Variants in NFE2L3 observed in about 807,000 individuals in gnomAD.
NFE2L3 encodes nuclear factor erythroid 2-related factor 3.
NFE2L3 carries 18 observed loss-of-function variants against 23.5 expected under a neutral mutation model. The ratio of observed to expected loss-of-function variants is 0.77; its 90% CI spans 0.53 to 1.13. NFE2L3 has a LOEUF of 1.13. Ranked by LOEUF, NFE2L3 falls within the 50% of genes most tolerant of loss-of-function variation. The pLI is 0.00. For synonymous variants in NFE2L3, 424 were observed against 354.5 expected, an observed-to-expected ratio of 1.20 and a Z score of -2.20; for missense variants, 1,152 against 877.2, an observed-to-expected ratio of 1.31 and a Z score of -3.96.
Position 26,152,403 on chromosome 7 carries a change from T to G in NFE2L3, c.-96T>G, listed in dbSNP as rs1459878988. On this transcript the variant is annotated 5_prime_UTR_variant, in exon 1 of 4. Transcript: ENST00000056233. The surrounding 1 kb of genome is among the most constrained non-coding windows in gnomAD (Gnocchi z 4.4). ...TTCGCTTATCTGGGTTCCAGGCAGG[T>G]GCGGGCGGCGCGCGGGGTCCGCACG... The G allele has an allele frequency of 3.4e-6, 3 of 884,318 alleles. No individual in the cohort carries two copies. The highest frequency in any genetic ancestry group is 4.4e-6 in the Non-Finnish European group (3 of 689,256). The allele number at this position is 884,318 out of a possible 1,614,324, so 54.8% of individuals were successfully genotyped here.
intron 1 of NFE2L3, 73 bp downstream of exon 1, chr7:26,153,141 C>T (rs1280784311): frequency 2.0e-5 from 28 of 1,408,182 alleles, no homozygotes; most frequent in Non-Finnish European, 2.8e-6. Flanking sequence ...TGTGTCGGAT[C>T]TGAGCAGGGG....
chr7:26,183,998 C>T (rs1782407279), intron 3 of NFE2L3: 1 of 519,948 alleles, frequency 1.9e-6, no homozygotes, highest in Non-Finnish European at 3.4e-6. Context: ...TCATGGAAAA[C>T]AGCGTGGAGA....
intron 1 of NFE2L3, among the ~76,000 whole-genome samples, chr7:26,168,820 A>G (rs903235364): frequency 9.2e-5 from 14 of 152,162 alleles, no homozygotes; most frequent in Non-Finnish European, 1.9e-4. Context: ...AGTGGTTTAC[A>G]TTCCCACCAG....
chr7:26,175,491 G>A (rs564879358), intron 1 of NFE2L3, among the ~76,000 whole-genome samples: 1 of 151,972 alleles, frequency 6.6e-6, no homozygotes, highest in Admixed American at 6.6e-5. Flanking sequence ...TATAATAATA[G>A]TTTCCGCCGG....
chr7:26,159,241 A>C (rs946892760), intron 1 of NFE2L3, among the ~76,000 whole-genome samples: 1 of 152,078 alleles, frequency 6.6e-6, no homozygotes, highest in Non-Finnish European at 1.5e-5. Flanking sequence ...TTTGCCCAAC[A>C]ACCCTATGAT....
At position 26,185,862 on chromosome 7, in the gene NFE2L3, C is replaced by T; in HGVS notation, c.*79C>T. ...TTATTTGGATCAGAAACCATTGAAACTGCTTCAAGAATTGTATCTTTAAGT... is the reference window on the plus strand; with the variant it reads ...TTATTTGGATCAGAAACCATTGAAATTGCTTCAAGAATTGTATCTTTAAGT... On this transcript the variant is annotated 3_prime_UTR_variant, in exon 4 of 4. Transcript: ENST00000056233. 8.4e-7 allele frequency: 1 copy of T among 1,187,856 alleles called. No individual in the cohort carries two copies. Among genetic ancestry groups the T allele is most frequent in the African/African-American group, 1.6e-5 (1 of 64,410 alleles). The allele number at this position is 1,187,856 out of a possible 1,614,324, so 73.6% of individuals were successfully genotyped here. A position where few individuals can be genotyped will look rare whatever the true frequency, so the allele number is the denominator to read the frequency against.
chr7:26,185,177 C>T lies in NFE2L3; in HGVS notation c.1479C>T (p.His493=), dbSNP rs200292913. The T allele has an allele frequency of 1.1e-5, 18 of 1,613,838 alleles. No individual in the cohort carries two copies. Among genetic ancestry groups the T allele is most frequent in the South Asian group, 9.9e-5 (9 of 91,076 alleles). Reference sequence around the variant, plus strand: ...TCCATGGAGATCTTACATTTCAACACGTATTTCATAACCACACTTACCACT... The same window carrying T: ...TCCATGGAGATCTTACATTTCAACATGTATTTCATAACCACACTTACCACT... ...SDFHGDLTFQ[H]VFHNHTYHLQ... The change falls in exon 4 of 4, where the codon CAC becomes CAT. Residue 493 remains histidine, a synonymous_variant. Transcript: ENST00000056233.
chr7:26,164,754 T>A (rs780208017), intron 1 of NFE2L3, among the ~76,000 whole-genome samples: 14 of 152,234 alleles, frequency 9.2e-5, no homozygotes, highest in Non-Finnish European at 2.1e-4. Flanking sequence ...CTGAATGGCA[T>A]TGCCTAGGTT....
chr7:26,159,131 A>T (rs920624702), intron 1 of NFE2L3, among the ~76,000 whole-genome samples: 3 of 152,068 alleles, frequency 2.0e-5, no homozygotes, highest in Non-Finnish European at 4.4e-5. Flanking sequence ...GTATTTTGTC[A>T]TTCAGGGCTG....
chr7:26,182,241 TAATA>T (rs2128100159), intron 2 of NFE2L3, among the ~76,000 whole-genome samples: 1 of 152,112 alleles, frequency 6.6e-6, no homozygotes, highest in African/African-American at 2.4e-5. Context: ...TTACCAGTAG[TAATA>T]AATGCCATAA....
At chr7:26,177,630 A>G (rs1784438851) in intron 1 of NFE2L3, among the ~76,000 whole-genome samples, 2 of 152,166 alleles carry the variant, frequency 1.3e-5, no homozygotes, top group African/African-American at 4.8e-5. Flanking sequence ...GGAAGGAAGG[A>G]ATCAATTTTC....
chr7:26,183,630 A>AAGAT, intron 2 of NFE2L3, 71 bp from the exon 3 acceptor site: 4 of 900,808 alleles, frequency 4.4e-6, no homozygotes, highest in Non-Finnish European at 7.3e-6. Context: ...TGATCCTTTA[A>AAGAT]AGATAAAGCC....
intron 1 of NFE2L3, among the ~76,000 whole-genome samples, chr7:26,169,441 G>A (rs2040784): frequency 0.45 from 67,687 of 151,942 alleles, 15,497 homozygotes; most frequent in African/African-American, 0.51. Context: ...CTTTACCCTC[G>A]CCTGACAGGT....
In NFE2L3 at chr7:26,152,638, T is replaced by A; in HGVS notation, c.140T>A (p.Leu47Gln). Reference protein sequence around the residue: ...PPPTLLQDELLFLGGPASSAY... With the variant: ...PPPTLLQDELQFLGGPASSAY... ...CCCACCCTGCTGCAGGACGAGCTGC[T>A]GTTCCTGGGCGGCCCGGCCAGCTCC... The change falls in exon 1 of 4, where the codon CTG becomes CAG. Residue 47 changes from leucine (L) to glutamine (Q), a missense_variant. Transcript: ENST00000056233. This position sits in a 1 kb window ranked among gnomAD's most constrained non-coding sequence, Gnocchi z 4.4. 1 of 1,525,040 alleles carries A rather than the reference T, an allele frequency of 6.6e-7. No individual in the cohort carries two copies. The highest frequency in any genetic ancestry group is 8.7e-7 in the Non-Finnish European group (1 of 1,146,344). The allele number at this position is 1,525,040 out of a possible 1,614,324, so 94.5% of individuals were successfully genotyped here.
rs529234257 is a variant in NFE2L3 at position 26,152,460 on chromosome 7, G to T, written c.-39G>T. 1,361 of 1,230,080 alleles carry T rather than the reference G, an allele frequency of 1.1e-3. 10 individuals are homozygous for T. The African/African-American group carries it at 0.02, about 18-fold the overall frequency. The allele number at this position is 1,230,080 out of a possible 1,614,324, so 76.2% of individuals were successfully genotyped here. A position where few individuals can be genotyped will look rare whatever the true frequency, so the allele number is the denominator to read the frequency against. ...CCCGGCGGCTGGGGCGCCGGGACCCGCGGGCGCCGGCAGGGGCGTTCCCGG... is the reference window on the plus strand; with the variant it reads ...CCCGGCGGCTGGGGCGCCGGGACCCTCGGGCGCCGGCAGGGGCGTTCCCGG... On this transcript the variant is annotated 5_prime_UTR_variant, in exon 1 of 4. Transcript: ENST00000056233. The surrounding 1 kb of genome is among the most constrained non-coding windows in gnomAD (Gnocchi z 4.4).
At chr7:26,158,943 A>G (rs1037700621) in intron 1 of NFE2L3, among the ~76,000 whole-genome samples, 4 of 152,256 alleles carry the variant, frequency 2.6e-5, no homozygotes, top group Non-Finnish European at 5.9e-5. Context: ...TGAATGAGAT[A>G]GTGCAAGTTG....
rs1217537889 is a variant in NFE2L3, at chr7:26,184,818, A to G, written c.1120A>G (p.Asn374Asp). 1 of 1,613,956 alleles carries G rather than the reference A, an allele frequency of 6.2e-7. No individual in the cohort carries two copies. Among genetic ancestry groups the G allele is most frequent in the Admixed American group, 1.7e-5 (1 of 60,028 alleles). ...TTCACCGGTTGACAATCATATGAGG[A>G]ATCTAACAAGCCAAGACCTACTGTA... ...FLSPVDNHMR[N>D]LTSQDLLYDL... Residue 374 changes from asparagine to aspartate, a missense_variant, in exon 4 of 4, where the codon AAT (asparagine) becomes GAT (aspartate). Transcript: ENST00000056233.
rs987385791 is a variant in NFE2L3 at position 26,184,641 on chromosome 7, C to A, written c.943C>A (p.Leu315Ile). Residue 315 changes from leucine (L) to isoleucine (I), a missense_variant, in exon 4 of 4, where the codon CTT (leucine) becomes ATT (isoleucine). By Grantham distance (5) the Leu-to-Ile change is conservative. Coordinates refer to ENST00000056233, the MANE Select transcript of NFE2L3 (RefSeq NM_004289.7). ...FSQAISQDVN[L>I]HEAILLCPNN... Reference sequence around the variant, plus strand: ...CCAGGCTATAAGTCAGGATGTGAATCTTCATGAGGCCATCTTGCTTTGTCC... The same window carrying A: ...CCAGGCTATAAGTCAGGATGTGAATATTCATGAGGCCATCTTGCTTTGTCC... 1.9e-6 allele frequency: 3 copies of A among 1,613,776 alleles called. No homozygotes were observed. Among genetic ancestry groups the A allele is most frequent in the African/African-American group, 2.7e-5 (2 of 74,916 alleles).
intron 1 of NFE2L3, among the ~76,000 whole-genome samples, chr7:26,166,840 C>T (rs1461042288): frequency 6.6e-6 from 1 of 152,238 alleles, no homozygotes; most frequent in African/African-American, 2.4e-5. Flanking sequence ...CTGACGTCAT[C>T]CTTCTCATAG....
Sources: gnomAD v4.1 joint callset for allele counts (sites outside exome capture counted in the v4.1 genomes callset) on GRCh38, gnomAD v4.1.1 for gene constraint, Gnocchi (gnomAD v3.1) non-coding constraint, MANE v1.5 for transcripts, NCBI Gene and HGNC (gene_info 2026-07-23, HGNC 2026-07-21) for gene names.